Variants in CRADD observed in about 807,000 individuals in gnomAD.
The protein encoded by CRADD is death domain-containing protein CRADD.
CRADD carries 9 observed loss-of-function variants against 15.5 expected under a neutral mutation model. That is an observed-to-expected ratio of 0.58 (90% CI 0.35 to 1.01). The LOEUF is 1.01. Among genes scored for constraint, CRADD ranks in the 50% least tolerant of loss-of-function variants. CRADD has a pLI of 0.02. For missense variants in CRADD, 227 were observed against 250.3 expected (o/e 0.91, Z 0.63); for synonymous variants, 118 against 107.6 (o/e 1.10, Z -0.60).
At chr12:93,839,212 C>T (rs1958019599) in intron 2 of CRADD, among the ~76,000 whole-genome samples, 1 of 152,182 alleles carries the variant, frequency 6.6e-6, no homozygotes, top group Non-Finnish European at 1.5e-5. Context: ...TATCTCTTCC[C>T]CCAGCAATGA....
chr12:93,794,822 C>G (rs1957395120), intron 2 of CRADD, among the ~76,000 whole-genome samples: 2 of 152,214 alleles, frequency 1.3e-5, no homozygotes, highest in South Asian at 4.1e-4. Context: ...CCAGGACTCA[C>G]TACTGCTGTC....
chr12:93,869,875 A>T (rs932191682), intron 2 of CRADD, among the ~76,000 whole-genome samples: 4 of 152,332 alleles, frequency 2.6e-5, no homozygotes, highest in South Asian at 2.1e-4. Context: ...AAAATATTTA[A>T]GGAGACTTGG....
intron 2 of CRADD, among the ~76,000 whole-genome samples, chr12:93,759,301 C>T (rs1956924074): frequency 6.6e-6 from 1 of 152,004 alleles, no homozygotes. Context: ...AATCTGTTAC[C>T]AATTTATGGT....
chr12:93,731,170 G>A (rs1196544431), intron 2 of CRADD, among the ~76,000 whole-genome samples: 2 of 152,208 alleles, frequency 1.3e-5, no homozygotes, highest in African/African-American at 2.4e-5. Context: ...AGTATTGACA[G>A]TGGTATAATT....
At chr12:93,766,480 T>G (rs1485312999) in intron 2 of CRADD, among the ~76,000 whole-genome samples, 1 of 152,228 alleles carries the variant, frequency 6.6e-6, no homozygotes, top group Non-Finnish European at 1.5e-5. Context: ...GTGTACTTTT[T>G]TGGAGTTGCC....
At chr12:93,707,615 G>A (rs1955976500) in intron 2 of CRADD, among the ~76,000 whole-genome samples, 1 of 152,180 alleles carries the variant, frequency 6.6e-6, no homozygotes, top group South Asian at 2.1e-4. Flanking sequence ...AGACTCATAA[G>A]TCCCAGAACA....
intron 2 of CRADD, among the ~76,000 whole-genome samples, chr12:93,696,006 A>G (rs1955696713): frequency 6.6e-6 from 1 of 152,250 alleles, no homozygotes; most frequent in Admixed American, 6.5e-5. Context: ...GCAAATCACC[A>G]GGGAAATGGA....
chr12:93,828,426 G>C (rs909855088), intron 2 of CRADD, among the ~76,000 whole-genome samples: 2 of 152,140 alleles, frequency 1.3e-5, no homozygotes, highest in Non-Finnish European at 2.9e-5. Context: ...TCTTCCAGAC[G>C]TTCCATAGTT....
At chr12:93,843,813 C>T (rs12369978) in intron 2 of CRADD, among the ~76,000 whole-genome samples, 20,983 of 152,008 alleles carry the variant, frequency 0.14, 1,839 homozygotes, top group Non-Finnish European at 0.2. Context: ...CTCTGCCTCC[C>T]GAGTTCAAGT....
chr12:93,692,913 CA>C (rs1179287100), intron 2 of CRADD, among the ~76,000 whole-genome samples: 2 of 151,958 alleles, frequency 1.3e-5, no homozygotes, highest in African/African-American at 4.8e-5. Flanking sequence ...AAAGTATATA[CA>C]AAACAAAAAG....
chr12:93,836,331 T>G (rs551666740), intron 2 of CRADD: 2 of 152,242 alleles, frequency 1.3e-5, no homozygotes, highest in Non-Finnish European at 2.9e-5. Flanking sequence ...CCATCTTTTT[T>G]GATGGGCTTC....
At chr12:93,714,805 C>T (rs1956133669) in intron 2 of CRADD, 1 of 152,336 alleles carries the variant, frequency 6.6e-6, no homozygotes, top group African/African-American at 2.4e-5. Flanking sequence ...ATCCTCAACA[C>T]AATTCCTCTT....
chr12:93,780,478 C>T (rs375689995), intron 2 of CRADD, among the ~76,000 whole-genome samples: 2 of 152,176 alleles, frequency 1.3e-5, no homozygotes, highest in African/African-American at 2.4e-5. Context: ...GTTACACAGT[C>T]GGTAAATGAT....
intron 2 of CRADD, among the ~76,000 whole-genome samples, chr12:93,814,139 G>A (rs1463408626): frequency 6.6e-6 from 1 of 152,334 alleles, no homozygotes; most frequent in East Asian, 1.9e-4. Context: ...ATGCTTTGGT[G>A]TGGGCTGTAG....
intron 2 of CRADD, among the ~76,000 whole-genome samples, chr12:93,890,458 T>G (rs1007414459): frequency 2.0e-5 from 3 of 152,196 alleles, no homozygotes; most frequent in Admixed American, 6.5e-5. Flanking sequence ...CAAGTAATTT[T>G]AAAAAATGAA....
chr12:93,855,744 A>G (rs1031180875), downstream of CRADD, among the ~76,000 whole-genome samples: 1 of 152,256 alleles, frequency 6.6e-6, no homozygotes, highest in African/African-American at 2.4e-5. Context: ...AAGGTATAAC[A>G]TGCTTAGAAC....
chr12:93,811,725 G>T (rs1565923314), intron 2 of CRADD, among the ~76,000 whole-genome samples: 1 of 152,154 alleles, frequency 6.6e-6, no homozygotes, highest in East Asian at 1.9e-4. Context: ...GAGACAGTTT[G>T]GCAGTTTCTT....
At chr12:93,781,594 C>T (rs549276366) in intron 2 of CRADD, among the ~76,000 whole-genome samples, 18 of 152,248 alleles carry the variant, frequency 1.2e-4, no homozygotes, top group African/African-American at 1.9e-4. Context: ...GTGGAACAGC[C>T]GAACGTTAGT....
intron 2 of CRADD, among the ~76,000 whole-genome samples, chr12:93,747,406 TCTCC>T (rs1226497512): frequency 2.0e-5 from 3 of 151,538 alleles, no homozygotes; most frequent in Non-Finnish European, 4.4e-5. Flanking sequence ...TTCTTTTCCT[TCTCC>T]CTTATTCATT....
Sources: gnomAD v4.1 joint callset for allele counts (sites outside exome capture counted in the v4.1 genomes callset) on GRCh38, gnomAD v4.1.1 for gene constraint, MANE v1.5 for transcripts, NCBI Gene and HGNC (gene_info 2026-07-23, HGNC 2026-07-21) for gene names.